The following CELF2 variants were observed in gnomAD, a reference collection of about 807,000 sequenced individuals.
CELF2 encodes the protein CUG triplet repeat RNA-binding protein 2.
CELF2 carries 8 observed loss-of-function variants against 62.6 expected under a neutral mutation model. The ratio of observed to expected loss-of-function variants is 0.13; its 90% confidence interval spans 0.07 to 0.23. The LOEUF is 0.23. Among genes scored for constraint, CELF2 ranks in the 10% least tolerant of loss-of-function variants. CELF2 has a pLI of 1.00. For missense variants in CELF2, 333 were observed against 671.0 expected (o/e 0.50, Z 5.56); for synonymous variants, 258 against 250.0 (o/e 1.03, Z -0.30).
chr10:11,164,509 A>C (rs1019567981), intron 1 of CELF2, among the ~76,000 whole-genome samples: 1 of 152,212 alleles, frequency 6.6e-6, no homozygotes, highest in African/African-American at 2.4e-5. Context: ...TGGGAGAAGA[A>C]AAGGCAGACT....
At chr10:11,240,945 C>T (rs760215952) in intron 3 of CELF2, among the ~76,000 whole-genome samples, 5 of 152,098 alleles carry the variant, frequency 3.3e-5, no homozygotes, top group Admixed American at 1.3e-4. Flanking sequence ...GACCTGGATT[C>T]GAATCCCTGC....
intron 2 of CELF2, among the ~76,000 whole-genome samples, chr10:11,203,631 ACTTAAACCAGATGGTTAAGATCTTTTTT>A (rs2059773015): frequency 2.0e-5 from 3 of 152,152 alleles, no homozygotes; most frequent in African/African-American, 7.2e-5. Flanking sequence ...GGAAGCAAGA[ACTTAAACCAGATGGTTAAGATCTTTTTT>A]CTGTCTTCCG....
the CELF2 span, among the ~76,000 whole-genome samples, chr10:10,792,795 CT>C: frequency 1.3e-5 from 2 of 152,142 alleles, no homozygotes; most frequent in African/African-American, 4.8e-5. Context: ...AGTTAAAGCT[CT>C]TTTTTCCCCC....
intron 1 of CELF2, among the ~76,000 whole-genome samples, chr10:10,867,106 C>T (rs2060436308): frequency 6.6e-6 from 1 of 152,096 alleles, no homozygotes; most frequent in South Asian, 2.1e-4. Flanking sequence ...AAATGTTCAA[C>T]AACCTACTCT....
At chr10:10,499,519 G>A in the CELF2 span, among the ~76,000 whole-genome samples, 1 of 152,134 alleles carries the variant, frequency 6.6e-6, no homozygotes, top group Non-Finnish European at 1.5e-5. Flanking sequence ...TTTAAGTTGG[G>A]GCAGAGGAGG....
At chr10:10,866,920 CA>C (rs56098222) in intron 1 of CELF2, among the ~76,000 whole-genome samples, 26,193 of 97,682 alleles carry the variant, frequency 0.27, 2,141 homozygotes, top group South Asian at 0.37. Flanking sequence ...AACTCCTTCT[CA>C]AAAAAAAAAA....
intron 1 of CELF2, among the ~76,000 whole-genome samples, chr10:11,020,921 C>G (rs1320328713): frequency 6.6e-6 from 1 of 152,170 alleles, no homozygotes; most frequent in Non-Finnish European, 1.5e-5. Context: ...TGGAAATGGA[C>G]ATTTTAAATA....
chr10:10,973,880 G>A (rs760191821), intron 2 of CELF2, among the ~76,000 whole-genome samples: 2 of 152,142 alleles, frequency 1.3e-5, no homozygotes, highest in African/African-American at 2.4e-5. Context: ...TGTGACTCAG[G>A]TTTTCCTTTG....
Position 10,939,676 on chromosome 10 carries a change from C to A in CELF2, c.89+19677C>A, listed in dbSNP as rs187812258. Among the ~76,000 whole-genome samples, 755 of 151,092 alleles carry A rather than the reference C, an allele frequency of 5.0e-3. 4 individuals carry two copies. Among genetic ancestry groups the A allele is most frequent in the Non-Finnish European group, 8.7e-3 (588 of 67,790 alleles). On this transcript the variant is annotated intron_variant, in intron 2 of 13. Transcript: ENST00000636488. ...TCAAACAGAATCGGAAAAGCCAGGC[C>A]GGGCGCGGTGGCTCATGCCTGTAAT...
At chr10:10,632,403 C>T in the CELF2 span, among the ~76,000 whole-genome samples, 1,618 of 152,118 alleles carry the variant, frequency 0.011, 86 homozygotes, top group Admixed American at 0.074. Flanking sequence ...GCAAGCATAA[C>T]TCCATTTCTA....
At chr10:10,953,679 A>G (rs948590769) in intron 2 of CELF2, among the ~76,000 whole-genome samples, 4 of 152,206 alleles carry the variant, frequency 2.6e-5, no homozygotes, top group Admixed American at 1.3e-4. Flanking sequence ...CTTTCATGAT[A>G]TCAGAATGGG....
chr10:10,664,690 T>G, the CELF2 span, among the ~76,000 whole-genome samples: 1 of 152,236 alleles, frequency 6.6e-6, no homozygotes, highest in Non-Finnish European at 1.5e-5. Flanking sequence ...CCATCTTCCT[T>G]GAGTTCTGCT....
At chr10:10,530,938 G>T in the CELF2 span, among the ~76,000 whole-genome samples, 1 of 152,168 alleles carries the variant, frequency 6.6e-6, no homozygotes, top group East Asian at 1.9e-4. Context: ...CCTGCAGCTG[G>T]TGACTGCTCG....
chr10:10,857,435 A>G (rs999127962), intron 1 of CELF2, among the ~76,000 whole-genome samples: 4 of 151,932 alleles, frequency 2.6e-5, no homozygotes, highest in African/African-American at 7.3e-5. Flanking sequence ...AATCACCCCA[A>G]CAAAGCTTAA....
chr10:10,764,176 A>G, the CELF2 span, among the ~76,000 whole-genome samples: 20,314 of 152,276 alleles, frequency 0.13, 1,725 homozygotes, highest in East Asian at 0.31. Context: ...TTTTTCTGTG[A>G]GGCTATTTAT....
chr10:10,691,479 G>A, the CELF2 span, among the ~76,000 whole-genome samples: 11 of 150,956 alleles, frequency 7.3e-5, no homozygotes, highest in Admixed American at 7.2e-4. Flanking sequence ...GTGTGCATGT[G>A]TCTTTATAGC....
At chr10:10,678,772 G>C in the CELF2 span, among the ~76,000 whole-genome samples, 2 of 152,298 alleles carry the variant, frequency 1.3e-5, no homozygotes. Context: ...CCCAGTTCCT[G>C]TTCATGGAGG....
chr10:11,178,279 C>T lies in CELF2; in HGVS notation c.271+12597C>T. ...TGGGAACTGGACGGTGACCACCAGT[C>T]CGTTTTACACAGGCCACCATACAGC... On this transcript the variant is annotated intron_variant, in intron 2 of 12. Coordinates refer to ENST00000633077, the MANE Select transcript of CELF2 (RefSeq NM_001326342.2). The surrounding 1 kb of genome is among the most constrained non-coding windows in gnomAD (Gnocchi z 4.3). Among the ~76,000 whole-genome samples the T allele has an allele frequency of 6.6e-6, 1 of 152,202 alleles. No homozygotes were observed.
Position 10,993,796 on chromosome 10 carries a change from T to C in CELF2, c.89+73797T>C, listed in dbSNP as rs1005980596. ...TTGTGTGTTGAAGTCCTAACCCTGG[T>C]ACCTGGGAATGTGATTGTATTTGGA... On this transcript the variant is annotated intron_variant, in intron 2 of 13. Transcript: ENST00000636488. This position sits in a 1 kb window ranked among gnomAD's most constrained non-coding sequence, Gnocchi z 5.3. 3.9e-5 allele frequency among the ~76,000 whole-genome samples: 6 copies of C among 152,194 alleles called. No homozygotes were observed. The highest frequency in any genetic ancestry group is 1.4e-4 in the African/African-American group (6 of 41,450).
Sources: allele counts gnomAD v4.1 joint callset (sites outside exome capture counted in the v4.1 genomes callset), GRCh38; gene constraint gnomAD v4.1.1; non-coding constraint Gnocchi (gnomAD v3.1); transcripts MANE v1.5; gene names NCBI Gene and HGNC (gene_info 2026-07-23, HGNC 2026-07-21).